L3MBTL4: variants seen among roughly 807,000 people sequenced by gnomAD.
L3MBTL4 encodes the protein lethal(3)malignant brain tumor-like protein 4.
In L3MBTL4, 70 loss-of-function variants were observed where a neutral mutation model predicts 84.5. That is an observed-to-expected ratio of 0.83 (90% confidence interval 0.68 to 1.01). L3MBTL4 has a LOEUF of 1.01. Among genes scored for constraint, L3MBTL4 ranks in the 50% least tolerant of loss-of-function variants. The pLI, the probability that L3MBTL4 is intolerant of heterozygous loss-of-function variation, is 0.00. For missense variants in L3MBTL4, 715 were observed against 754.8 expected, an observed-to-expected ratio of 0.95 and a Z score of 0.62; for synonymous variants, 274 against 259.8, an observed-to-expected ratio of 1.05 and a Z score of -0.52.
chr18:6,012,738 A>G (rs112904641), intron 16 of L3MBTL4, among the ~76,000 whole-genome samples: 84 of 152,090 alleles, frequency 5.5e-4, no homozygotes, highest in African/African-American at 1.9e-3. Flanking sequence ...GCGCCATTGC[A>G]CTCCAGCCTA....
intron 13 of L3MBTL4, among the ~76,000 whole-genome samples, chr18:6,144,583 G>T (rs1243563706): frequency 6.6e-6 from 1 of 152,176 alleles, no homozygotes; most frequent in Non-Finnish European, 1.5e-5. Context: ...ACAATGCATG[G>T]TTACTACACA....
intron 5 of L3MBTL4, chr18:6,260,317 A>C (rs1190255190): frequency 6.6e-6 from 1 of 152,202 alleles, no homozygotes; most frequent in East Asian, 1.9e-4. Flanking sequence ...GGTTCTGTGA[A>C]AAATGACATT....
At chr18:6,104,179 T>TA (rs74838579) in intron 14 of L3MBTL4, among the ~76,000 whole-genome samples, 34,250 of 152,082 alleles carry the variant, frequency 0.23, 5,274 homozygotes, top group East Asian at 0.66. Flanking sequence ...TAGAGGTTCC[T>TA]AAAAAAATTA....
rs1438328435 is a variant in L3MBTL4, at chr18:5,966,802, C to G, written c.1614+2591G>C. ...CAGATGAACTCTTTGGGTCTTTCAG[C>G]TCTCACATATTATTACCCCAATTAA... On this transcript the variant is annotated intron_variant, in intron 17 of 18. Coordinates refer to ENST00000317931, the MANE Select transcript of L3MBTL4 (RefSeq NM_001330559.2). 2.0e-5 allele frequency among the ~76,000 whole-genome samples: 3 copies of G among 152,340 alleles called. No individual in the cohort carries two copies. The East Asian group carries it at 5.8e-4, about 29-fold the overall frequency.
chr18:6,236,153 C>T (rs996343271), intron 10 of L3MBTL4, among the ~76,000 whole-genome samples: 1 of 152,034 alleles, frequency 6.6e-6, no homozygotes. Flanking sequence ...TGAAAAAGAA[C>T]GGTGCTGGAG....
intron 5 of L3MBTL4, among the ~76,000 whole-genome samples, 188 bp from the exon 6 acceptor site, chr18:6,244,776 A>G (rs932765663): frequency 1.3e-5 from 2 of 152,192 alleles, no homozygotes; most frequent in African/African-American, 4.8e-5. Context: ...ATAAAGTGGC[A>G]GTTAGAAAGG....
At chr18:6,382,156 C>A (rs575331546) in intron 1 of L3MBTL4, among the ~76,000 whole-genome samples, 1 of 152,148 alleles carries the variant, frequency 6.6e-6, no homozygotes, top group Non-Finnish European at 1.5e-5. Flanking sequence ...TCACGAAGTT[C>A]TCGTGCTGTG....
At chr18:6,023,394 T>C (rs940447917) in intron 16 of L3MBTL4, among the ~76,000 whole-genome samples, 5 of 152,160 alleles carry the variant, frequency 3.3e-5, no homozygotes, top group Non-Finnish European at 5.9e-5. Context: ...AAGTAAAAAA[T>C]CTGCAGAAAG....
chr18:6,112,783 A>C (rs1311331918), intron 14 of L3MBTL4, among the ~76,000 whole-genome samples: 1 of 152,236 alleles, frequency 6.6e-6, no homozygotes. Context: ...AGTTATATTT[A>C]TAAAAAAAGA....
intron 16 of L3MBTL4, among the ~76,000 whole-genome samples, chr18:5,997,842 A>C (rs1478794579): frequency 1.3e-5 from 2 of 152,166 alleles, no homozygotes; most frequent in Non-Finnish European, 2.9e-5. Flanking sequence ...CACAAGTATA[A>C]TGGTGGATGT....
intron 14 of L3MBTL4, among the ~76,000 whole-genome samples, chr18:6,135,804 C>G (rs915508707): frequency 1.3e-5 from 2 of 152,226 alleles, no homozygotes; most frequent in African/African-American, 2.4e-5. Context: ...ACTGTTCCAA[C>G]CTCTGCCCTT....
At chr18:6,176,971 C>T (rs2044250785) in intron 12 of L3MBTL4, among the ~76,000 whole-genome samples, 1 of 152,174 alleles carries the variant, frequency 6.6e-6, no homozygotes, top group Non-Finnish European at 1.5e-5. Context: ...AAATGACAGA[C>T]AAAATTTCCC....
intron 16 of L3MBTL4, among the ~76,000 whole-genome samples, chr18:5,977,156 C>T (rs942846661): frequency 1.3e-5 from 2 of 152,174 alleles, no homozygotes; most frequent in African/African-American, 4.8e-5. Context: ...CAGCCTCAGC[C>T]CCACTGCCTG....
intron 4 of L3MBTL4, among the ~76,000 whole-genome samples, chr18:6,281,395 A>G (rs955434265): frequency 6.6e-6 from 1 of 152,206 alleles, no homozygotes; most frequent in African/African-American, 2.4e-5. Flanking sequence ...GTTTTTGTAC[A>G]TAAAGCTTAT....
chr18:6,195,063 A>T (rs1380642360), intron 12 of L3MBTL4, among the ~76,000 whole-genome samples: 3 of 152,324 alleles, frequency 2.0e-5, no homozygotes, highest in Admixed American at 2.0e-4. Flanking sequence ...ATAAGTGTAA[A>T]GTTTCTAACT....
intron 16 of L3MBTL4, among the ~76,000 whole-genome samples, chr18:6,060,502 C>T (rs1234432992): frequency 6.6e-6 from 1 of 151,718 alleles, no homozygotes; most frequent in Non-Finnish European, 1.5e-5. Flanking sequence ...CCCCTTTACC[C>T]CTAATCCCAT....
chr18:6,164,025 G>A (rs987254642), intron 13 of L3MBTL4, among the ~76,000 whole-genome samples: 7 of 152,234 alleles, frequency 4.6e-5, no homozygotes, highest in Non-Finnish European at 8.8e-5. Flanking sequence ...GGCACACCAG[G>A]AGATTATATC....
At position 6,217,829 on chromosome 18, in the gene L3MBTL4, C is replaced by T. The variant is rs1481303270; in HGVS notation, c.785-1994G>A. 4.6e-5 allele frequency among the ~76,000 whole-genome samples: 7 copies of T among 152,204 alleles called. No homozygotes were observed. The East Asian group carries it at 1.2e-3, about 25-fold the overall frequency. ...ATTTTTACTAAAAATTATATTGCCA[C>T]CCTATTATTTTCTGTTTGTGTTTGC... On this transcript the variant is annotated intron_variant, in intron 10 of 18. Coordinates refer to ENST00000317931, the MANE Select transcript of L3MBTL4 (RefSeq NM_001330559.2).
chr18:6,274,710 G>A (rs745647101), intron 4 of L3MBTL4, among the ~76,000 whole-genome samples: 2 of 152,094 alleles, frequency 1.3e-5, no homozygotes, highest in Non-Finnish European at 2.9e-5. Context: ...GCAATTTTAG[G>A]GATCACGGTA....
Sources: gnomAD v4.1 joint callset for allele counts (sites outside exome capture counted in the v4.1 genomes callset) on GRCh38, gnomAD v4.1.1 for gene constraint, MANE v1.5 for transcripts, NCBI Gene and HGNC (gene_info 2026-07-23, HGNC 2026-07-21) for gene names.